The following TAF12 variants were observed in gnomAD, a reference collection of about 807,000 sequenced individuals.
TAF12 encodes transcription initiation factor TFIID subunit 12.
Under a neutral mutation model 20.8 loss-of-function variants are expected in TAF12, and 3 were observed. That is an observed-to-expected ratio of 0.14 (90% CI 0.07 to 0.37). The LOEUF is 0.37. Ranked by LOEUF, TAF12 falls within the 10% of genes least tolerant of loss-of-function variation. The pLI is 1.00. For synonymous variants in TAF12, 69 were observed against 70.2 expected (o/e 0.98, Z 0.09); for missense variants, 131 against 197.9 (o/e 0.66, Z 2.03).
chr1:28,632,222 G>A (rs1242982872), intron 1 of TAF12, among the ~76,000 whole-genome samples: 2 of 152,184 alleles, frequency 1.3e-5, no homozygotes, highest in African/African-American at 4.8e-5. Context: ...TGGATCACCT[G>A]AGGTCAGGAG....
intron 1 of TAF12, among the ~76,000 whole-genome samples, chr1:28,626,956 G>A (rs2124352658): frequency 6.6e-6 from 1 of 152,206 alleles, no homozygotes; most frequent in East Asian, 1.9e-4. Context: ...AAAAAGTATG[G>A]CCTATCTACA....
At chr1:28,611,016 C>A (rs1666842859) in intron 4 of TAF12, among the ~76,000 whole-genome samples, 1 of 148,906 alleles carries the variant, frequency 6.7e-6, no homozygotes, top group East Asian at 2.0e-4. Context: ...TCCCCCTGAA[C>A]CTGGACAGGT....
rs183677374 is a variant in TAF12 at position 28,624,638 on chromosome 1, T to C, written c.-84-2473A>G. On this transcript the variant is annotated intron_variant, in intron 1 of 5. Transcript: ENST00000373824. ...GGCACGTGCCTGTAATCCCAGCTACTTGGGAGGCTGAGGCAGGAGAATCAC... is the reference window on the plus strand; with the variant it reads ...GGCACGTGCCTGTAATCCCAGCTACCTGGGAGGCTGAGGCAGGAGAATCAC... Among the ~76,000 whole-genome samples the C allele has an allele frequency of 4.5e-3, 683 of 152,022 alleles. 6 individuals carry two copies. Among genetic ancestry groups the C allele is most frequent in the African/African-American group, 0.016 (658 of 41,464 alleles).
chr1:28,646,900 G>A (rs974768248), upstream of TAF12, among the ~76,000 whole-genome samples: 27 of 151,822 alleles, frequency 1.8e-4, no homozygotes, highest in African/African-American at 6.0e-4. Context: ...GGGTTTCACC[G>A]TGTTAGCCAG....
chr1:28,643,233 T>A (rs1014875529), upstream of TAF12: 2 of 454,854 alleles, frequency 4.4e-6, no homozygotes, highest in Non-Finnish European at 5.8e-6. Context: ...CAGCTTGCGC[T>A]TTTAACTGCT....
At chr1:28,632,307 G>A (rs969893140) in intron 1 of TAF12, among the ~76,000 whole-genome samples, 5 of 152,112 alleles carry the variant, frequency 3.3e-5, no homozygotes, top group Non-Finnish European at 7.4e-5. Flanking sequence ...ATGGTGGCAT[G>A]TGCCTGTAAT....
rs1054235722 is a variant in TAF12, at chr1:28,602,989, T to G, written c.*550A>C. The G allele has an allele frequency of 1.3e-5, 2 of 152,142 alleles. No homozygotes were observed. The highest frequency in any genetic ancestry group is 2.9e-5 in the Non-Finnish European group (2 of 68,114). The allele number at this position is 152,142 out of a possible 1,614,324, so 9.4% of individuals were successfully genotyped here. A position where few individuals can be genotyped will look rare whatever the true frequency, so the allele number is the denominator to read the frequency against. On this transcript the variant is annotated 3_prime_UTR_variant, in exon 6 of 6. Coordinates refer to ENST00000373824, the MANE Select transcript of TAF12 (RefSeq NM_005644.4). ...TAAAATGATGGAAAATCCCTGAGTT[T>G]TTCTCAAACACCAAAATGAATAACG...
At chr1:28,627,523 C>G (rs535468178) in intron 1 of TAF12, among the ~76,000 whole-genome samples, 4 of 151,620 alleles carry the variant, frequency 2.6e-5, no homozygotes, top group African/African-American at 9.7e-5. Context: ...GAAACCCTGT[C>G]TCTACTAAAA....
At chr1:28,647,802 AGGTGGAGCTTGC>A (rs1191803432), upstream of TAF12, among the ~76,000 whole-genome samples, 1 of 151,846 alleles carries the variant, frequency 6.6e-6, no homozygotes, top group Non-Finnish European at 1.5e-5. Context: ...TGAACCCAGG[AGGTGGAGCTTGC>A]GGTGAGCCGA....
chr1:28,635,506 C>T (rs945034409), intron 1 of TAF12, among the ~76,000 whole-genome samples: 2 of 151,456 alleles, frequency 1.3e-5, no homozygotes, highest in African/African-American at 2.4e-5. Context: ...GGGGTTTCAC[C>T]GTGTTAGCCA....
intron 1 of TAF12, among the ~76,000 whole-genome samples, chr1:28,624,914 T>A (rs1293452196): frequency 6.6e-6 from 1 of 152,148 alleles, no homozygotes; most frequent in Admixed American, 6.6e-5. Context: ...AGTATTAGGA[T>A]CACTTGTTTG....
rs1179724707 is a variant in TAF12 at position 28,635,276 on chromosome 1, C to CTT, written c.-85+7714_-85+7715dup. 1.8e-3 allele frequency among the ~76,000 whole-genome samples: 183 copies of CTT among 100,666 alleles called. 14 individuals are homozygous for CTT. Among genetic ancestry groups the CTT allele is most frequent in the African/African-American group, 5.6e-3 (155 of 27,512 alleles). The allele number at this position is 100,666 out of a possible 152,430, so 66.0% of individuals were successfully genotyped here. A position where few individuals can be genotyped will look rare whatever the true frequency, so the allele number is the denominator to read the frequency against. ...AAAAAAACCACATCTATCCTCCCTC[C>CTT]TTTTTTTTTTTTTTTTTTTTTTTTT... On this transcript the variant is annotated intron_variant, in intron 1 of 5. Transcript: ENST00000373824.
intron 1 of TAF12, 58 bp from the exon 2 acceptor site, chr1:28,622,223 T>C (rs574130644): frequency 7.1e-7 from 1 of 1,402,450 alleles, no homozygotes; most frequent in Non-Finnish European, 9.3e-7. Flanking sequence ...AGGATGAATC[T>C]TGAGAGTAAA....
intron 1 of TAF12, chr1:28,623,898 G>T: frequency 1.1e-6 from 1 of 937,806 alleles, no homozygotes; most frequent in African/African-American, 1.8e-5. Context: ...ATCACGATCA[G>T]AAGCACATTC....
chr1:28,633,774 T>G (rs1486739597), intron 1 of TAF12, among the ~76,000 whole-genome samples: 1 of 151,342 alleles, frequency 6.6e-6, no homozygotes, highest in Non-Finnish European at 1.5e-5. Context: ...TAGCTGGGCA[T>G]GGTGGTGCAT....
At chr1:28,604,853 A>T (rs1666613413) in intron 5 of TAF12, among the ~76,000 whole-genome samples, 3 of 152,186 alleles carry the variant, frequency 2.0e-5, no homozygotes, top group Admixed American at 6.6e-5. Context: ...TCCACAGCAG[A>T]AGTAGTATTC....
intron 4 of TAF12, among the ~76,000 whole-genome samples, chr1:28,606,225 C>G (rs1043528003): frequency 6.6e-6 from 1 of 152,022 alleles, no homozygotes; most frequent in African/African-American, 2.4e-5. Flanking sequence ...TCTTGAACTC[C>G]TGACCTCGTG....
intron 1 of TAF12, among the ~76,000 whole-genome samples, chr1:28,642,280 C>CT (rs1310257398): frequency 6.6e-6 from 1 of 152,176 alleles, no homozygotes; most frequent in Non-Finnish European, 1.5e-5. Flanking sequence ...TGAATACGTC[C>CT]TTTATCTCTC....
intron 4 of TAF12, among the ~76,000 whole-genome samples, chr1:28,607,329 CAAGACCAGT>C: frequency 6.6e-6 from 1 of 151,038 alleles, no homozygotes; most frequent in Admixed American, 6.6e-5. Context: ...CCCAGGAGTT[CAAGACCAGT>C]GTAGGCATAA....
Sources: gnomAD v4.1 joint callset for allele counts (sites outside exome capture counted in the v4.1 genomes callset) on GRCh38, gnomAD v4.1.1 for gene constraint, MANE v1.5 for transcripts, NCBI Gene and HGNC (gene_info 2026-07-23, HGNC 2026-07-21) for gene names.